GPHN: variants seen among roughly 807,000 people sequenced by gnomAD.
GPHN encodes gephyrin.
In GPHN, 17 loss-of-function variants were observed where a neutral mutation model predicts 95.5. The observed-to-expected ratio is 0.18, with a 90% CI of 0.12 to 0.27. GPHN has a LOEUF of 0.27. Among genes scored for constraint, GPHN ranks in the 10% least tolerant of loss-of-function variants. The pLI is 1.00. For synonymous variants in GPHN, 320 were observed against 322.5 expected, an observed-to-expected ratio of 0.99 and a Z score of 0.08; for missense variants, 660 against 978.1, an observed-to-expected ratio of 0.67 and a Z score of 4.34.
chr14:66,761,079 GC>G, intron 2 of GPHN: 1 of 413,830 alleles, frequency 2.4e-6, no homozygotes, highest in East Asian at 5.7e-5. Context: ...ACTTGGAACT[GC>G]TAAATTATTA....
At chr14:66,546,066 G>A (rs1244688988) in intron 1 of GPHN, among the ~76,000 whole-genome samples, 2 of 151,756 alleles carry the variant, frequency 1.3e-5, no homozygotes, top group East Asian at 2.0e-4. Flanking sequence ...TTGCGGCCGG[G>A]TAGAGGTGCT....
intron 9 of GPHN, among the ~76,000 whole-genome samples, chr14:67,016,308 C>T (rs2073307751): frequency 6.6e-6 from 1 of 151,752 alleles, no homozygotes; most frequent in African/African-American, 2.4e-5. Context: ...ATCAAAATAA[C>T]TTTTAAAACA....
At chr14:67,410,440 A>C in the GPHN span, among the ~76,000 whole-genome samples, 1 of 152,064 alleles carries the variant, frequency 6.6e-6, no homozygotes, top group African/African-American at 2.4e-5. Context: ...GGAGCTCCCC[A>C]TGTGTAGTCT....
chr14:67,227,829 G>GT, the GPHN span: 8 of 152,150 alleles, frequency 5.3e-5, no homozygotes, highest in Admixed American at 2.0e-4. Context: ...GAATGGACAG[G>GT]TTTTTCCTTG....
the GPHN span, among the ~76,000 whole-genome samples, chr14:67,470,101 CAAG>C: frequency 2.0e-5 from 3 of 152,136 alleles, no homozygotes; most frequent in South Asian, 2.1e-4. Flanking sequence ...GTAGAGACAG[CAAG>C]AAGGATTGGC....
chr14:67,341,253 C>T, the GPHN span, among the ~76,000 whole-genome samples: 6 of 151,832 alleles, frequency 4.0e-5, no homozygotes, highest in South Asian at 6.2e-4. Flanking sequence ...GGCCGCCCAT[C>T]GTCTGAGATG....
the GPHN span, chr14:67,279,249 G>A: frequency 3.7e-6 from 6 of 1,613,928 alleles, no homozygotes; most frequent in Non-Finnish European, 5.1e-6. Context: ...TGCATCACCA[G>A]AGGAACATCA....
chr14:67,633,850 T>A, the GPHN span, among the ~76,000 whole-genome samples: 5 of 152,232 alleles, frequency 3.3e-5, no homozygotes, highest in African/African-American at 1.2e-4. Flanking sequence ...TCCTCTCTTA[T>A]TCCTGGCTAA....
intron 2 of GPHN, among the ~76,000 whole-genome samples, chr14:66,723,951 A>T (rs1304234840): frequency 6.6e-6 from 1 of 151,472 alleles, no homozygotes; most frequent in Non-Finnish European, 1.5e-5. Context: ...CTATCTGGAG[A>T]TAGAAAAATA....
intron 1 of GPHN, among the ~76,000 whole-genome samples, chr14:66,656,654 A>G (rs2065324505): frequency 6.6e-6 from 1 of 152,056 alleles, no homozygotes; most frequent in Admixed American, 6.6e-5. Flanking sequence ...AAACTTTTTA[A>G]TAATGACTGT....
chr14:67,058,765 A>T lies in GPHN; in HGVS notation c.1123A>T (p.Thr375Ser), dbSNP rs759462447. The change falls in exon 11 of 23, where the codon ACA becomes TCA. Residue 375 changes from threonine (T) to serine (S), a missense_variant. By Grantham distance (58) the Thr-to-Ser change is moderately conservative (BLOSUM62 1). Coordinates refer to ENST00000478722, the MANE Select transcript of GPHN (RefSeq NM_020806.5). ...CCTGGAGATGACTCCGGTGCTTGGGACAGAAATCATCAATTACCGAGGTAC... is the reference window on the plus strand; with the variant it reads ...CCTGGAGATGACTCCGGTGCTTGGGTCAGAAATCATCAATTACCGAGGTAC... The part of the protein sequence containing the change: ...TVLEMTPVLG[T>S]EIINYRDGMG... The T allele has an allele frequency of 6.2e-7, 1 of 1,613,840 alleles. No individual in the cohort carries two copies.
chr14:67,452,441 T>C, the GPHN span, among the ~76,000 whole-genome samples: 1 of 152,166 alleles, frequency 6.6e-6, no homozygotes, highest in Non-Finnish European at 1.5e-5. Context: ...TTGTGAGGCA[T>C]TCCCAGCCAT....
chr14:67,622,262 A>G, the GPHN span, among the ~76,000 whole-genome samples: 1 of 152,230 alleles, frequency 6.6e-6, no homozygotes, highest in Non-Finnish European at 1.5e-5. Context: ...GGAGATAATA[A>G]CACATAATCT....
chr14:66,982,438 A>G (rs974822585), intron 9 of GPHN, among the ~76,000 whole-genome samples: 1 of 152,186 alleles, frequency 6.6e-6, no homozygotes, highest in Non-Finnish European at 1.5e-5. Flanking sequence ...TAGTTTCCCC[A>G]GTAATTAATC....
At chr14:67,541,216 T>C in the GPHN span, among the ~76,000 whole-genome samples, 1 of 152,342 alleles carries the variant, frequency 6.6e-6, no homozygotes, top group South Asian at 2.1e-4. Flanking sequence ...ACATTTTATA[T>C]AGATGAAATA....
the GPHN span, chr14:67,571,543 T>C: frequency 3.9e-6 from 2 of 507,020 alleles, no homozygotes; most frequent in African/African-American, 3.8e-5. Flanking sequence ...CCACAGAAGA[T>C]GGTGTGTGGG....
chr14:67,328,836 T>C, the GPHN span, among the ~76,000 whole-genome samples: 1 of 152,216 alleles, frequency 6.6e-6, no homozygotes, highest in South Asian at 2.1e-4. Flanking sequence ...CATTGGTCTG[T>C]ATCTCTGTTT....
intron 3 of GPHN, among the ~76,000 whole-genome samples, chr14:66,790,760 T>C (rs868859498): frequency 4.4e-4 from 67 of 152,302 alleles, no homozygotes; most frequent in African/African-American, 1.5e-3. Context: ...TCCCACCCAT[T>C]GCAGTGACAC....
At chr14:67,328,594 G>A in the GPHN span, among the ~76,000 whole-genome samples, 1 of 152,098 alleles carries the variant, frequency 6.6e-6, no homozygotes, top group Non-Finnish European at 1.5e-5. Flanking sequence ...TTTCTTCTAG[G>A]GTTTTTCTGG....
Sources: allele counts gnomAD v4.1 joint callset (sites outside exome capture counted in the v4.1 genomes callset), GRCh38; gene constraint gnomAD v4.1.1; transcripts MANE v1.5; gene names NCBI Gene and HGNC (gene_info 2026-07-23, HGNC 2026-07-21).